The following BTBD9 variants were observed in gnomAD, a reference collection of about 807,000 sequenced individuals.
The protein encoded by BTBD9 is BTB domain containing 9, also known as BTB/POZ domain-containing protein 9.
In BTBD9, 49 loss-of-function variants were observed where a neutral mutation model predicts 64.3. The observed-to-expected ratio is 0.76, with a 90% CI of 0.61 to 0.97. BTBD9 has a LOEUF of 0.97. BTBD9 is among the 50% of genes least tolerant of loss of function. The pLI is 0.00. For synonymous variants in BTBD9, 260 were observed against 274.7 expected (o/e 0.95, Z 0.53); for missense variants, 598 against 762.1 (o/e 0.78, Z 2.53).
chr6:38,241,103 T>C (rs1404793594), intron 9 of BTBD9, among the ~76,000 whole-genome samples: 3 of 152,158 alleles, frequency 2.0e-5, no homozygotes, highest in African/African-American at 4.8e-5. Flanking sequence ...AGACTATACA[T>C]TTCAAAGCTC....
At position 38,554,588 on chromosome 6, in the gene BTBD9, CGGAGCTTGCATACTGTT is replaced by C. The variant is rs1774938839; in HGVS notation, c.1154+22995_1154+23011del. The stretch of plus-strand genomic sequence containing the variant: ...AAATAATCTTCTGATTTTATTAGAA[CGGAGCTTGCATACTGTT>C]TGGAAGTTACCAGAAAATCAACTGT... On this transcript the variant is annotated intron_variant, in intron 6 of 10. Coordinates refer to ENST00000481247, the MANE Select transcript of BTBD9 (RefSeq NM_001099272.2). Among the ~76,000 whole-genome samples, 4 of 152,242 alleles carry C rather than the reference CGGAGCTTGCATACTGTT, an allele frequency of 2.6e-5. No individual in the cohort carries two copies. In the South Asian group the frequency reaches 8.3e-4, roughly 32 times the overall value.
At position 38,417,302 on chromosome 6, in the gene BTBD9, G is replaced by A. The variant is rs1254696623; in HGVS notation, c.1155-72209C>T. ...AAGTAATGCTGTAGTTAGCCCTGTA[G>A]ACAAGTCAGGTGTCTCCCACTGTAC... On this transcript the variant is annotated intron_variant, in intron 6 of 10. Coordinates refer to ENST00000481247, the MANE Select transcript of BTBD9 (RefSeq NM_001099272.2). 5.9e-5 allele frequency among the ~76,000 whole-genome samples: 9 copies of A among 152,318 alleles called. No homozygotes were observed. In the South Asian group the frequency reaches 1.4e-3, roughly 25 times the overall value.
intron 6 of BTBD9, among the ~76,000 whole-genome samples, chr6:38,534,462 T>A: frequency 7.1e-6 from 1 of 140,932 alleles, no homozygotes; most frequent in African/African-American, 2.7e-5. Flanking sequence ...ATACCAATTC[T>A]ACTCAAACTG....
intron 7 of BTBD9, among the ~76,000 whole-genome samples, chr6:38,289,488 G>T (rs1419449884): frequency 6.6e-6 from 1 of 152,114 alleles, no homozygotes; most frequent in East Asian, 1.9e-4. Context: ...CTAAGCTGCA[G>T]ATATTTTCTA....
At chr6:38,287,082 CAA>C (rs60618390) in intron 8 of BTBD9, among the ~76,000 whole-genome samples, 1 of 25,364 alleles carries the variant, frequency 3.9e-5, no homozygotes. Context: ...GGCTCCATCT[CAA>C]AAAAAAAAAA....
intron 7 of BTBD9, among the ~76,000 whole-genome samples, chr6:38,332,271 C>G (rs1359935493): frequency 1.3e-4 from 20 of 152,168 alleles, no homozygotes; most frequent in Admixed American, 1.3e-3. Context: ...CGTATTAATA[C>G]AGTTTCCTAC....
intron 10 of BTBD9, among the ~76,000 whole-genome samples, chr6:38,183,125 G>A (rs113232834): frequency 0.041 from 6,282 of 151,866 alleles, 428 homozygotes; most frequent in African/African-American, 0.14. Context: ...GACTACAGGC[G>A]CCCGCCACCA....
chr6:38,317,282 C>A (rs1454156086), intron 7 of BTBD9, among the ~76,000 whole-genome samples: 1 of 152,218 alleles, frequency 6.6e-6, no homozygotes, highest in African/African-American at 2.4e-5. Context: ...GCATGAGCCA[C>A]CGTGCCTGAC....
intron 6 of BTBD9, among the ~76,000 whole-genome samples, chr6:38,366,684 G>A (rs552247096): frequency 6.6e-5 from 10 of 152,328 alleles, no homozygotes; most frequent in East Asian, 3.9e-4. Context: ...ACACAACTGT[G>A]ATTGGTCCCA....
intron 6 of BTBD9, among the ~76,000 whole-genome samples, chr6:38,448,902 A>G (rs1562201876): frequency 6.6e-6 from 1 of 152,222 alleles, no homozygotes; most frequent in Admixed American, 6.5e-5. Flanking sequence ...TATGAGGACC[A>G]TATGAGAAAA....
At chr6:38,639,253 G>C (rs1778638230) in intron 1 of BTBD9, among the ~76,000 whole-genome samples, 1 of 152,188 alleles carries the variant, frequency 6.6e-6, no homozygotes, top group African/African-American at 2.4e-5. Flanking sequence ...TAGGCAACAG[G>C]TTGGCTGCCC....
At position 38,333,470 on chromosome 6, in the gene BTBD9, C is replaced by T. The variant is rs575281716; in HGVS notation, c.1264+11514G>A. 3.9e-5 allele frequency among the ~76,000 whole-genome samples: 6 copies of T among 152,294 alleles called. No homozygotes were observed. The East Asian group carries it at 5.8e-4, about 15-fold the overall frequency. Reference sequence around the variant, plus strand: ...TCCCCACCCAAATCTCATGTCAAATCGTAACTCCCAGTGTTGGAGGCGGGG... The same window carrying T: ...TCCCCACCCAAATCTCATGTCAAATTGTAACTCCCAGTGTTGGAGGCGGGG... On this transcript the variant is annotated intron_variant, in intron 7 of 10. Transcript: ENST00000481247.
At chr6:38,475,493 T>C (rs1582491628) in intron 6 of BTBD9, among the ~76,000 whole-genome samples, 6 of 152,212 alleles carry the variant, frequency 3.9e-5, no homozygotes, top group Admixed American at 3.9e-4. Context: ...TCTCAAAGCC[T>C]GCCCTCAACA....
chr6:38,337,860 T>C (rs1382204595), intron 7 of BTBD9, among the ~76,000 whole-genome samples: 1 of 152,214 alleles, frequency 6.6e-6, no homozygotes, highest in Non-Finnish European at 1.5e-5. Flanking sequence ...GCCTGTTTTT[T>C]TGTTCTGCCA....
intron 7 of BTBD9, among the ~76,000 whole-genome samples, chr6:38,325,726 C>T (rs1763401448): frequency 6.6e-6 from 1 of 152,064 alleles, no homozygotes; most frequent in African/African-American, 2.4e-5. Flanking sequence ...CAAAAAGAGC[C>T]CCAGCTCATT....
In BTBD9 at chr6:38,564,468, A is replaced by C. The variant is rs149360865; in HGVS notation, c.1154+13132T>G. Among the ~76,000 whole-genome samples the C allele has an allele frequency of 1.8e-3, 275 of 152,336 alleles. 1 individual carries two copies. Among genetic ancestry groups the C allele is most frequent in the African/African-American group, 6.1e-3 (252 of 41,592 alleles). On this transcript the variant is annotated intron_variant, in intron 6 of 10. Coordinates refer to ENST00000481247, the MANE Select transcript of BTBD9 (RefSeq NM_001099272.2). ...GCATTTCAGCTTGCTAAATGAATAC[A>C]TGGGATTTCAGGAGTGGAGATGAGA...
At chr6:38,324,080 G>A (rs1193636345) in intron 7 of BTBD9, among the ~76,000 whole-genome samples, 1 of 152,194 alleles carries the variant, frequency 6.6e-6, no homozygotes, top group African/African-American at 2.4e-5. Context: ...TCCAGCCCAG[G>A]TGACAGCCTG....
At chr6:38,430,658 C>G (rs1022695601) in intron 6 of BTBD9, among the ~76,000 whole-genome samples, 4 of 151,718 alleles carry the variant, frequency 2.6e-5, no homozygotes, top group African/African-American at 9.7e-5. Flanking sequence ...TGGGACTACC[C>G]TAAGTATTCC....
chr6:38,198,300 T>C (rs1762336083), intron 9 of BTBD9, among the ~76,000 whole-genome samples: 2 of 152,102 alleles, frequency 1.3e-5, no homozygotes, highest in Admixed American at 1.3e-4. Flanking sequence ...AGTGTGGATC[T>C]CGCAGGTGGT....
Sources: allele counts gnomAD v4.1 joint callset (sites outside exome capture counted in the v4.1 genomes callset), GRCh38; gene constraint gnomAD v4.1.1; transcripts MANE v1.5; gene names NCBI Gene and HGNC (gene_info 2026-07-23, HGNC 2026-07-21).